PLD1: variants seen among roughly 807,000 people sequenced by gnomAD.
PLD1 encodes the protein choline phosphatase 1.
In PLD1, 112 loss-of-function variants were observed where a neutral mutation model predicts 137.1. The observed-to-expected ratio is 0.82, with a 90% CI of 0.70 to 0.96. The LOEUF (loss-of-function observed/expected upper bound fraction) is 0.96, where lower values mean the gene tolerates loss of function less well. PLD1 is among the 40% of genes least tolerant of loss of function. PLD1 has a pLI of 0.00. For synonymous variants in PLD1, 431 were observed against 454.7 expected (o/e 0.95, Z 0.66); for missense variants, 1,321 against 1,342.0 (o/e 0.98, Z 0.24).
At chr3:171,751,251 T>C (rs979315311) in intron 1 of PLD1, among the ~76,000 whole-genome samples, 24 of 152,226 alleles carry the variant, frequency 1.6e-4, no homozygotes, top group East Asian at 9.6e-4. Context: ...ATTTGAAATA[T>C]AGAAGAATGT....
chr3:171,669,248 C>G (rs1023714935), intron 19 of PLD1, among the ~76,000 whole-genome samples: 2 of 152,134 alleles, frequency 1.3e-5, no homozygotes, highest in African/African-American at 2.4e-5. Flanking sequence ...GTGCCCTTCT[C>G]CAGAAGAAAG....
At chr3:171,809,007 T>C (rs1053599173) in intron 1 of PLD1, among the ~76,000 whole-genome samples, 25 of 151,976 alleles carry the variant, frequency 1.6e-4, no homozygotes, top group Non-Finnish European at 3.4e-4. Flanking sequence ...GTATTTTTAG[T>C]AGAGGCGGGG....
intron 21 of PLD1, chr3:171,654,104 T>C (rs1360558494): frequency 8.3e-6 from 3 of 361,240 alleles, no homozygotes; most frequent in South Asian, 4.0e-5. Flanking sequence ...AGTTCAAAGC[T>C]AGCCTGGCCG....
chr3:171,642,610 T>C (rs1251963048), intron 23 of PLD1, among the ~76,000 whole-genome samples: 1 of 151,504 alleles, frequency 6.6e-6, no homozygotes, highest in African/African-American at 2.4e-5. Flanking sequence ...TAAAAATAAA[T>C]AGAAATTACA....
chr3:171,603,163 A>G lies in PLD1; in HGVS notation c.3140T>C (p.Phe1047Ser), dbSNP rs2108245365. ...TTCTTCAGACAAGAAATAAAAGGGG[A>G]ATTGCACCAAAAATCCACGGATCTT... is the stretch of plus-strand genomic sequence containing the variant. ...LKKIRGFLVQ[F>S]PFYFLSEESL... The change falls in exon 27 of 27, where the codon TTC becomes TCC. Residue 1047 changes from phenylalanine (F) to serine (S), a missense_variant. Physicochemically the swap from Phe to Ser is radical, Grantham distance 155. Coordinates refer to ENST00000351298, the MANE Select transcript of PLD1 (RefSeq NM_002662.5). 6.2e-7 allele frequency: 1 copy of G among 1,614,080 alleles called. No individual in the cohort carries two copies. Among genetic ancestry groups the G allele is most frequent in the African/African-American group, 1.3e-5 (1 of 75,022 alleles).
At chr3:171,619,853 G>A (rs555413266) in intron 24 of PLD1, among the ~76,000 whole-genome samples, 1 of 152,108 alleles carries the variant, frequency 6.6e-6, no homozygotes, top group Non-Finnish European at 1.5e-5. Context: ...GGAGACTGAG[G>A]TAGAAGAATC....
chr3:171,638,262 T>C (rs947808188), intron 23 of PLD1, among the ~76,000 whole-genome samples: 4 of 151,224 alleles, frequency 2.6e-5, no homozygotes, highest in African/African-American at 4.9e-5. Context: ...GTGTGAGTGG[T>C]GAATAAATGT....
intron 20 of PLD1, among the ~76,000 whole-genome samples, chr3:171,661,422 T>C (rs753868020): frequency 1.3e-5 from 2 of 152,200 alleles, no homozygotes; most frequent in Non-Finnish European, 2.9e-5. Context: ...GTTTTTCAAG[T>C]TCTCTGAACT....
intron 23 of PLD1, among the ~76,000 whole-genome samples, chr3:171,633,781 T>G (rs1734880526): frequency 6.6e-6 from 1 of 152,170 alleles, no homozygotes; most frequent in Non-Finnish European, 1.5e-5. Context: ...CTTCTGGCCC[T>G]TATCTTAAAT....
chr3:171,654,846 G>A (rs1737059486), intron 21 of PLD1, among the ~76,000 whole-genome samples: 1 of 152,016 alleles, frequency 6.6e-6, no homozygotes, highest in South Asian at 2.1e-4. Context: ...GTCAGCATGG[G>A]GTAAACATGA....
Position 171,687,393 on chromosome 3 carries a change from G to A in PLD1, c.1731C>T (p.Ile577=). 1 of 1,614,150 alleles carries A rather than the reference G, an allele frequency of 6.2e-7. No homozygotes were observed. The highest frequency in any genetic ancestry group is 8.5e-7 in the Non-Finnish European group (1 of 1,179,982). The part of the protein sequence containing the change: ...HRHHLHDADS[I]SSIDSTSSYF... ...TACTGGAGGTGCTGTCAATGCTGCT[G>A]ATGCTATCTGCGTCGTGCAGGTGGT... Residue 577 remains isoleucine, a synonymous_variant, in exon 15 of 27, where the codon ATC becomes ATT. Transcript: ENST00000351298.
At chr3:171,804,698 T>C (rs375535873) in intron 1 of PLD1, among the ~76,000 whole-genome samples, 1 of 152,254 alleles carries the variant, frequency 6.6e-6, no homozygotes, top group African/African-American at 2.4e-5. Context: ...AATCAGGGGC[T>C]AAGAGTTCCC....
At chr3:171,791,782 T>G (rs1005313051) in intron 1 of PLD1, 4 of 152,186 alleles carry the variant, frequency 2.6e-5, no homozygotes, top group Non-Finnish European at 5.9e-5. Flanking sequence ...TTTTTTTTGT[T>G]TTGTTTTAGA....
intron 19 of PLD1, 114 bp downstream of exon 19, chr3:171,674,386 C>T: frequency 2.0e-6 from 1 of 503,126 alleles, no homozygotes; most frequent in Non-Finnish European, 3.6e-6. Flanking sequence ...TTTAGTTTTG[C>T]TTTAGAAAAG....
chr3:171,750,447 G>C (rs191541451), intron 1 of PLD1, among the ~76,000 whole-genome samples: 82 of 151,068 alleles, frequency 5.4e-4, no homozygotes, highest in African/African-American at 1.9e-3. Flanking sequence ...AGAAAGATAG[G>C]GTAAAGAGAA....
intron 1 of PLD1, among the ~76,000 whole-genome samples, chr3:171,745,171 C>T (rs549554295): frequency 1.3e-4 from 20 of 152,342 alleles, no homozygotes; most frequent in Non-Finnish European, 1.3e-4. Flanking sequence ...TGAATTCAAA[C>T]TTTGCTTCCA....
intron 25 of PLD1, among the ~76,000 whole-genome samples, chr3:171,609,293 C>G (rs1266080952): frequency 3.9e-5 from 6 of 151,982 alleles, no homozygotes; most frequent in African/African-American, 1.2e-4. Flanking sequence ...TTGGTGATAA[C>G]AGAAATTAGT....
At chr3:171,641,705 TC>T (rs1241201989) in intron 23 of PLD1, among the ~76,000 whole-genome samples, 1 of 152,070 alleles carries the variant, frequency 6.6e-6, no homozygotes. Context: ...TGCTTCCACA[TC>T]CCCTCAAGTC....
intron 1 of PLD1, among the ~76,000 whole-genome samples, chr3:171,770,922 G>A (rs1053437775): frequency 6.9e-6 from 1 of 144,620 alleles, no homozygotes; most frequent in Non-Finnish European, 1.5e-5. Flanking sequence ...GGGGGCGGGG[G>A]CAGGGCTGAT....
Sources: allele counts gnomAD v4.1 joint callset (sites outside exome capture counted in the v4.1 genomes callset), GRCh38; gene constraint gnomAD v4.1.1; transcripts MANE v1.5; gene names NCBI Gene and HGNC (gene_info 2026-07-23, HGNC 2026-07-21).